CSNK1G1: variants seen among roughly 807,000 people sequenced by gnomAD.
CSNK1G1 encodes the protein casein kinase I isoform gamma-1.
A neutral mutation model predicts 59.6 loss-of-function variants in CSNK1G1; 22 were observed. That is an observed-to-expected ratio of 0.37 (90% CI 0.26 to 0.53). CSNK1G1 has a LOEUF of 0.53. Ranked by LOEUF, CSNK1G1 falls within the 20% of genes least tolerant of loss-of-function variation. The pLI is 0.89. For synonymous variants in CSNK1G1, 179 were observed against 177.1 expected, an observed-to-expected ratio of 1.01 and a Z score of -0.08; for missense variants, 384 against 519.5, an observed-to-expected ratio of 0.74 and a Z score of 2.54.
In CSNK1G1 at chr15:64,300,398, G is replaced by A. The variant is rs267604284; in HGVS notation, c.102C>T (p.Ser34=). ...TGGGTCCCACCATAAGAACCCCAGA[G>A]GACGATGAGGAGCCAGATGGTCGAG... ...HCSRPSGSSS[S]SGVLMVGPNF... Residue 34 remains serine, a synonymous_variant, in exon 2 of 12, where the codon TCC becomes TCT. Coordinates refer to ENST00000303052, the MANE Select transcript of CSNK1G1 (RefSeq NM_022048.5). The A allele has an allele frequency of 6.5e-5, 105 of 1,614,130 alleles. No individual in the cohort carries two copies. Among genetic ancestry groups the A allele is most frequent in the Non-Finnish European group, 8.2e-5 (97 of 1,180,012 alleles).
At position 64,300,719 on chromosome 15, in the gene CSNK1G1, G is replaced by T. The variant is rs955706678; in HGVS notation, c.-220C>A. The T allele has an allele frequency of 8.1e-6, 10 of 1,237,398 alleles. No homozygotes were observed. The highest frequency in any genetic ancestry group is 1.0e-5 in the Non-Finnish European group (10 of 989,976). 76.7% of individuals were successfully genotyped at this position (1,237,398 alleles called of 1,614,324 possible). On this transcript the variant is annotated 5_prime_UTR_variant, in exon 2 of 12. Transcript: ENST00000303052. ...GGTCTCAATCTTAGGTGAACATCTT[G>T]TAACCTAGGTAAAAATCAAGAAAAC...
rs79105429 is a variant in CSNK1G1 at position 64,253,222 on chromosome 15, G to A, written c.223-1641C>T. ...TAGCCTGGCAGGGAGGCACGCTCCT[G>A]TAGTCCCAGCTACTCAGGAGGATGA... On this transcript the variant is annotated intron_variant, in intron 3 of 11. Coordinates refer to ENST00000303052, the MANE Select transcript of CSNK1G1 (RefSeq NM_022048.5). Among the ~76,000 whole-genome samples the A allele has an allele frequency of 3.9e-5, 6 of 152,220 alleles. No homozygotes were observed. In the East Asian group the frequency reaches 1.2e-3, roughly 29 times the overall value.
chr15:64,312,078 C>T lies in CSNK1G1; in HGVS notation c.-224-11355G>A, dbSNP rs566246636. The stretch of plus-strand genomic sequence containing the variant: ...ATGTGAAGGACCTCTTCAAGGAGAA[C>T]TACAAACCACTGCTCAAGGAAATAA... On this transcript the variant is annotated intron_variant, in intron 1 of 11. Transcript: ENST00000303052. 2.0e-5 allele frequency among the ~76,000 whole-genome samples: 3 copies of T among 152,206 alleles called. No homozygotes were observed. In the South Asian group the frequency reaches 6.2e-4, roughly 32 times the overall value.
intron 1 of CSNK1G1, among the ~76,000 whole-genome samples, chr15:64,311,055 T>C (rs1222087409): frequency 6.6e-6 from 1 of 151,948 alleles, no homozygotes; most frequent in Non-Finnish European, 1.5e-5. Context: ...TGCATTTTAT[T>C]TTATTTATTA....
chr15:64,320,117 G>C (rs1896481618), intron 1 of CSNK1G1, among the ~76,000 whole-genome samples: 1 of 151,674 alleles, frequency 6.6e-6, no homozygotes, highest in Non-Finnish European at 1.5e-5. Context: ...ATGTTTCTCA[G>C]GTTGGGCTCA....
At chr15:64,266,721 G>C (rs534386296) in intron 2 of CSNK1G1, among the ~76,000 whole-genome samples, 1 of 152,090 alleles carries the variant, frequency 6.6e-6, no homozygotes. Flanking sequence ...ACATTTACAG[G>C]TAACTGATTT....
At chr15:64,350,221 C>T (rs375549189) in intron 1 of CSNK1G1, among the ~76,000 whole-genome samples, 1 of 152,106 alleles carries the variant, frequency 6.6e-6, no homozygotes. Flanking sequence ...CGGCTGGTCG[C>T]GGTGGCTCAC....
intron 1 of CSNK1G1, among the ~76,000 whole-genome samples, chr15:64,350,535 G>A (rs1031065953): frequency 6.6e-5 from 10 of 152,020 alleles, no homozygotes; most frequent in African/African-American, 2.4e-4. Flanking sequence ...AGTGAACAGT[G>A]AGAATTAAAA....
At chr15:64,242,416 C>T (rs1018126920) in intron 4 of CSNK1G1, among the ~76,000 whole-genome samples, 1 of 152,128 alleles carries the variant, frequency 6.6e-6, no homozygotes, top group Non-Finnish European at 1.5e-5. Context: ...CTCCCAGTCA[C>T]TCTTCTTCCT....
Position 64,200,115 on chromosome 15 carries a change from G to A in CSNK1G1, c.1107+2967C>T, listed in dbSNP as rs992520134. Among the ~76,000 whole-genome samples the A allele has an allele frequency of 2.6e-5, 4 of 151,552 alleles. No homozygotes were observed. The highest frequency in any genetic ancestry group is 5.9e-5 in the Non-Finnish European group (4 of 67,902). The stretch of plus-strand genomic sequence containing the variant: ...CAAAAATTAGCCCGGTGTGGTGGCA[G>A]GCACCTGTAATCCCAGCTTCTCAGG... On this transcript the variant is annotated intron_variant, in intron 10 of 11. Coordinates refer to ENST00000303052, the MANE Select transcript of CSNK1G1 (RefSeq NM_022048.5). This position sits in a 1 kb window ranked among gnomAD's most constrained non-coding sequence, Gnocchi z 4.3.
chr15:64,294,949 T>C (rs904215159), intron 2 of CSNK1G1, among the ~76,000 whole-genome samples: 1 of 89,534 alleles, frequency 1.1e-5, no homozygotes, highest in Non-Finnish European at 2.3e-5. Context: ...GGTCGGGGGG[T>C]GGCCAGGCGC....
chr15:64,231,674 C>T (rs974378560), intron 4 of CSNK1G1, among the ~76,000 whole-genome samples: 3 of 151,880 alleles, frequency 2.0e-5, no homozygotes, highest in Non-Finnish European at 2.9e-5. Flanking sequence ...AAATCATAGT[C>T]GTTTTTTAAA....
chr15:64,351,050 C>G (rs1898257510), intron 1 of CSNK1G1, among the ~76,000 whole-genome samples: 1 of 152,100 alleles, frequency 6.6e-6, no homozygotes, highest in African/African-American at 2.4e-5. Context: ...TCTAAAACCA[C>G]TGAAGCAGTT....
intron 11 of CSNK1G1, among the ~76,000 whole-genome samples, chr15:64,173,519 G>A (rs914037703): frequency 1.3e-5 from 2 of 151,838 alleles, no homozygotes; most frequent in African/African-American, 4.8e-5. Context: ...AAATAAAAGT[G>A]ACCAACATTT....
chr15:64,290,188 G>T (rs1245994586), intron 2 of CSNK1G1, among the ~76,000 whole-genome samples: 1 of 152,066 alleles, frequency 6.6e-6, no homozygotes. Flanking sequence ...ATTTGATCCT[G>T]CAATCTCACT....
chr15:64,201,763 T>A (rs1303164935), intron 10 of CSNK1G1, among the ~76,000 whole-genome samples: 1 of 151,388 alleles, frequency 6.6e-6, no homozygotes, highest in African/African-American at 2.4e-5. Context: ...TATATACTAT[T>A]CTTAACCTAT....
chr15:64,349,725 G>A (rs1472264537), intron 1 of CSNK1G1, among the ~76,000 whole-genome samples: 1 of 152,032 alleles, frequency 6.6e-6, no homozygotes, highest in Non-Finnish European at 1.5e-5. Context: ...TATAACCTCA[G>A]CAAGTTTGGT....
chr15:64,327,478 G>A (rs1896910869), intron 1 of CSNK1G1, among the ~76,000 whole-genome samples: 1 of 147,552 alleles, frequency 6.8e-6, no homozygotes, highest in African/African-American at 2.5e-5. Context: ...CTGTTAGAAG[G>A]AAAACTAACA....
intron 4 of CSNK1G1, among the ~76,000 whole-genome samples, chr15:64,226,134 T>C (rs1365410128): frequency 2.6e-5 from 4 of 152,204 alleles, no homozygotes; most frequent in Non-Finnish European, 5.9e-5. Flanking sequence ...ACTTTCCATC[T>C]GGTAACACCT....
Sources: gnomAD v4.1 joint callset for allele counts (sites outside exome capture counted in the v4.1 genomes callset) on GRCh38, gnomAD v4.1.1 for gene constraint, Gnocchi (gnomAD v3.1) non-coding constraint, MANE v1.5 for transcripts, NCBI Gene and HGNC (gene_info 2026-07-23, HGNC 2026-07-21) for gene names.